ADGRV1: variants seen among roughly 807,000 people sequenced by gnomAD.
ADGRV1 encodes the protein adhesion G protein-coupled receptor V1.
Under a neutral mutation model 596.2 loss-of-function variants are expected in ADGRV1, and 359 were observed. The ratio of observed to expected loss-of-function variants is 0.60; its 90% CI spans 0.55 to 0.66. The LOEUF (loss-of-function observed/expected upper bound fraction) is 0.66. ADGRV1 is among the 30% of genes least tolerant of loss of function. ADGRV1 has a pLI of 0.00. For synonymous variants in ADGRV1, 2,681 were observed against 2,679.2 expected (o/e 1.00, Z -0.02); for missense variants, 7,274 against 7,575.6 (o/e 0.96, Z 1.48).
chr5:90,857,296 A>G (rs1319789602), intron 82 of ADGRV1, among the ~76,000 whole-genome samples: 1 of 152,138 alleles, frequency 6.6e-6, no homozygotes, highest in East Asian at 1.9e-4. Flanking sequence ...TTGAAATACA[A>G]TCTAGATGTC....
chr5:91,121,376 A>G (rs1358652083), intron 87 of ADGRV1, among the ~76,000 whole-genome samples: 1 of 152,110 alleles, frequency 6.6e-6, no homozygotes, highest in Non-Finnish European at 1.5e-5. Context: ...GGAAATCTTC[A>G]CCACAACCAG....
At chr5:90,793,708 GAATT>G (rs34606770) in intron 70 of ADGRV1, among the ~76,000 whole-genome samples, 37,446 of 151,956 alleles carry the variant, frequency 0.25, 5,591 homozygotes, top group Non-Finnish European at 0.35. Context: ...TATGATAAAT[GAATT>G]ATCATTTATG....
intron 83 of ADGRV1, among the ~76,000 whole-genome samples, chr5:90,928,103 A>G (rs1774718709): frequency 1.3e-5 from 2 of 151,904 alleles, no homozygotes; most frequent in African/African-American, 4.8e-5. Flanking sequence ...TCTGATAATT[A>G]TGTGTCTTGA....
intron 85 of ADGRV1, among the ~76,000 whole-genome samples, chr5:91,064,985 A>G (rs1452044664): frequency 6.6e-6 from 1 of 152,246 alleles, no homozygotes; most frequent in Non-Finnish European, 1.5e-5. Context: ...AAGGAAAGGA[A>G]TATTGAAATC....
chr5:90,980,535 AG>A (rs1554186313), intron 84 of ADGRV1, among the ~76,000 whole-genome samples: 1 of 152,226 alleles, frequency 6.6e-6, no homozygotes, highest in Non-Finnish European at 1.5e-5. Context: ...GGTGGTCTTA[AG>A]ATAGTTTATA....
intron 1 of ADGRV1, among the ~76,000 whole-genome samples, chr5:90,562,028 C>T (rs1303162845): frequency 2.6e-5 from 4 of 152,104 alleles, no homozygotes; most frequent in Non-Finnish European, 5.9e-5. Context: ...ATCACCAGAA[C>T]CTCCCCAGTC....
chr5:90,928,038 G>C (rs891441091), intron 83 of ADGRV1, among the ~76,000 whole-genome samples: 16 of 152,218 alleles, frequency 1.1e-4, no homozygotes, highest in African/African-American at 3.6e-4. Flanking sequence ...AGGGTAACCC[G>C]ACCTTTCTCT....
chr5:90,779,042 C>G lies in ADGRV1; in HGVS notation c.13027C>G (p.Pro4343Ala), dbSNP rs1008502794. 2.5e-6 allele frequency: 4 copies of G among 1,613,056 alleles called. No homozygotes were observed. In the African/African-American group the frequency reaches 5.3e-5, roughly 22 times the overall value. ...LHVEILDDDY[P>A]EGPEEFSLTI... Reference sequence around the variant, plus strand: ...TGTTGAAATCCTTGATGATGACTATCCTGAAGGCCCAGAGGAATTTTCTCT... The same window carrying G: ...TGTTGAAATCCTTGATGATGACTATGCTGAAGGCCCAGAGGAATTTTCTCT... The change falls in exon 64 of 90, where the codon CCT (proline) becomes GCT (alanine). Residue 4343 changes from proline (P) to alanine (A), a missense_variant. Pro to Ala is a conservative substitution (Grantham distance 27, BLOSUM62 -1). Coordinates refer to ENST00000405460, the MANE Select transcript of ADGRV1 (RefSeq NM_032119.4).
chr5:90,927,859 T>G (rs1774687057), intron 83 of ADGRV1, among the ~76,000 whole-genome samples: 1 of 152,214 alleles, frequency 6.6e-6, no homozygotes, highest in Non-Finnish European at 1.5e-5. Context: ...TTTGCTTTTC[T>G]GTAAAGTATT....
At chr5:90,562,178 G>C (rs1382979886) in intron 1 of ADGRV1, among the ~76,000 whole-genome samples, 2 of 152,108 alleles carry the variant, frequency 1.3e-5, no homozygotes. Flanking sequence ...CTCCTGGGCA[G>C]TTCAGACTTT....
intron 83 of ADGRV1, among the ~76,000 whole-genome samples, chr5:90,910,301 C>T (rs772028430): frequency 9.2e-5 from 14 of 152,232 alleles, no homozygotes; most frequent in African/African-American, 9.6e-5. Flanking sequence ...CAGATATAAC[C>T]GAACTTCTAC....
chr5:91,060,396 ATATTTT>A (rs1185239675), intron 85 of ADGRV1, among the ~76,000 whole-genome samples: 10 of 27,190 alleles, frequency 3.7e-4, no homozygotes, highest in African/African-American at 7.8e-4. Context: ...ATATATATAT[ATATTTT>A]TTTTTTTAAT....
rs550792183 is a variant in ADGRV1, at chr5:91,005,629, C to T, written c.18152+20107C>T. On this transcript the variant is annotated intron_variant, in intron 85 of 89. Coordinates refer to ENST00000405460, the MANE Select transcript of ADGRV1 (RefSeq NM_032119.4). ...TACTTTATTATCCACAGTCTTGTTC[C>T]TCTAGGTGCTCAAGCTAGATCATTT... Among the ~76,000 whole-genome samples, 5 of 152,268 alleles carry T rather than the reference C, an allele frequency of 3.3e-5. No homozygotes were observed. In the South Asian group the frequency reaches 1.0e-3, roughly 32 times the overall value.
At chr5:90,807,122 A>G (rs1298189005) in intron 72 of ADGRV1, among the ~76,000 whole-genome samples, 1 of 152,194 alleles carries the variant, frequency 6.6e-6, no homozygotes, top group African/African-American at 2.4e-5. Flanking sequence ...AAGTGTTGGG[A>G]TTACAGGCGT....
chr5:90,939,423 G>C (rs1254661615), intron 83 of ADGRV1, among the ~76,000 whole-genome samples: 3 of 152,090 alleles, frequency 2.0e-5, no homozygotes, highest in Non-Finnish European at 4.4e-5. Flanking sequence ...AAATACCAGC[G>C]CCTAACAGAT....
chr5:90,872,246 A>G (rs1411615126), intron 83 of ADGRV1, among the ~76,000 whole-genome samples: 2 of 152,198 alleles, frequency 1.3e-5, no homozygotes, highest in Non-Finnish European at 2.9e-5. Context: ...GGTCTGCATT[A>G]TCTGTAATGG....
At chr5:90,821,908 G>A (rs919352957) in intron 75 of ADGRV1, 1 of 152,438 alleles carries the variant, frequency 6.6e-6, no homozygotes, top group African/African-American at 2.4e-5. Context: ...AGCCTACAGA[G>A]GCAGGCAGGC....
chr5:91,023,892 C>T (rs781434076), intron 85 of ADGRV1, among the ~76,000 whole-genome samples: 87 of 152,214 alleles, frequency 5.7e-4, no homozygotes, highest in Admixed American at 1.5e-3. Flanking sequence ...TTGTCACCTA[C>T]GTGTAACTGA....
chr5:91,162,946 A>G (rs572888382), intron 89 of ADGRV1, among the ~76,000 whole-genome samples: 1 of 152,304 alleles, frequency 6.6e-6, no homozygotes, highest in South Asian at 2.1e-4. Flanking sequence ...TGATTCATCC[A>G]GCACACCCTA....
Sources: allele counts gnomAD v4.1 joint callset (sites outside exome capture counted in the v4.1 genomes callset), GRCh38; gene constraint gnomAD v4.1.1; transcripts MANE v1.5; gene names NCBI Gene and HGNC (gene_info 2026-07-23, HGNC 2026-07-21).